PRKCA: variants seen among roughly 807,000 people sequenced by gnomAD.
PRKCA encodes the protein protein kinase C alpha type.
Under a neutral mutation model 87.0 loss-of-function variants are expected in PRKCA, and 27 were observed. That is an observed-to-expected ratio of 0.31 (90% CI 0.23 to 0.43). PRKCA has a LOEUF of 0.43. PRKCA is among the 20% of genes least tolerant of loss of function. PRKCA has a pLI of 1.00. For missense variants in PRKCA, 518 were observed against 852.3 expected (o/e 0.61, Z 4.88); for synonymous variants, 329 against 311.1 (o/e 1.06, Z -0.61).
chr17:66,555,958 T>C (rs1968482330), intron 3 of PRKCA, among the ~76,000 whole-genome samples: 1 of 152,202 alleles, frequency 6.6e-6, no homozygotes, highest in South Asian at 2.1e-4. Context: ...CCTTCTCATT[T>C]ATTTTGTCAA....
chr17:66,568,320 C>T (rs919425160), intron 3 of PRKCA, among the ~76,000 whole-genome samples: 1 of 152,102 alleles, frequency 6.6e-6, no homozygotes, highest in Admixed American at 6.6e-5. Context: ...TCTCAAAAAA[C>T]CCCCAAAAAA....
At chr17:66,719,963 T>C (rs1037041925) in intron 8 of PRKCA, among the ~76,000 whole-genome samples, 2 of 152,366 alleles carry the variant, frequency 1.3e-5, no homozygotes, top group Admixed American at 6.5e-5. Flanking sequence ...CCATATACTC[T>C]ACTCATTGCT....
chr17:66,769,048 A>G (rs1193828944), intron 13 of PRKCA, among the ~76,000 whole-genome samples: 1 of 152,206 alleles, frequency 6.6e-6, no homozygotes, highest in Admixed American at 6.5e-5. Flanking sequence ...AATCCAGTGT[A>G]TAAATCAGCT....
chr17:66,467,118 TAGAG>T (rs1915121629), intron 2 of PRKCA, among the ~76,000 whole-genome samples: 1 of 152,132 alleles, frequency 6.6e-6, no homozygotes, highest in Non-Finnish European at 1.5e-5. Context: ...CTGAGCATCT[TAGAG>T]AGGGATGACT....
intron 14 of PRKCA, among the ~76,000 whole-genome samples, chr17:66,778,976 T>C (rs1464399382): frequency 2.0e-5 from 3 of 152,042 alleles, no homozygotes; most frequent in Admixed American, 1.3e-4. Flanking sequence ...TTCATTCAAA[T>C]CCCCTTCTTC....
At chr17:66,753,595 G>T (rs1974483345) in intron 13 of PRKCA, among the ~76,000 whole-genome samples, 1 of 152,110 alleles carries the variant, frequency 6.6e-6, no homozygotes, top group African/African-American at 2.4e-5. Context: ...GGACTGAATT[G>T]CATCCCCACG....
chr17:66,663,765 C>T (rs1344638511), intron 5 of PRKCA, among the ~76,000 whole-genome samples: 5 of 152,128 alleles, frequency 3.3e-5, no homozygotes, highest in Admixed American at 2.6e-4. Context: ...ACACCTTCCC[C>T]GGCCCTCCCT....
At chr17:66,381,387 G>A (rs754212108) in intron 2 of PRKCA, among the ~76,000 whole-genome samples, 2 of 152,194 alleles carry the variant, frequency 1.3e-5, no homozygotes, top group Non-Finnish European at 2.9e-5. Context: ...CGGTTTGTTT[G>A]GATGGATGAC....
chr17:66,705,794 T>C (rs1973178229), intron 8 of PRKCA, among the ~76,000 whole-genome samples: 1 of 152,042 alleles, frequency 6.6e-6, no homozygotes, highest in Non-Finnish European at 1.5e-5. Flanking sequence ...CAGCTAAACA[T>C]TGGCACAAGT....
At chr17:66,404,671 A>T (rs1212870991) in intron 2 of PRKCA, among the ~76,000 whole-genome samples, 1 of 146,988 alleles carries the variant, frequency 6.8e-6, no homozygotes, top group Admixed American at 6.8e-5. Flanking sequence ...ATTCACCCTG[A>T]ATCTTCTGCC....
chr17:66,745,937 C>G (rs145972534), intron 13 of PRKCA, among the ~76,000 whole-genome samples: 1 of 152,118 alleles, frequency 6.6e-6, no homozygotes, highest in Non-Finnish European at 1.5e-5. Context: ...CAGCACTCTG[C>G]GTGCTTACTG....
intron 2 of PRKCA, among the ~76,000 whole-genome samples, chr17:66,410,732 C>A (rs527966324): frequency 2.6e-5 from 4 of 152,052 alleles, no homozygotes; most frequent in African/African-American, 9.7e-5. Flanking sequence ...TATACCACCA[C>A]GCCTGGCTAA....
rs189859981 is a variant in PRKCA at position 66,549,048 on chromosome 17, C to T, written c.288+52765C>T. Among the ~76,000 whole-genome samples, 45 of 152,072 alleles carry T rather than the reference C, an allele frequency of 3.0e-4. No individual in the cohort carries two copies. In the South Asian group the frequency reaches 3.1e-3, roughly 11 times the overall value. The stretch of plus-strand genomic sequence containing the variant: ...TTCAAACTCCTGGGCTCAAGTGACC[C>T]GCCTGTCTTGACCTCCCAGAGTGCT... On this transcript the variant is annotated intron_variant, in intron 3 of 16. Transcript: ENST00000413366.
chr17:66,655,462 G>A (rs1447726962), intron 5 of PRKCA, among the ~76,000 whole-genome samples: 4 of 152,098 alleles, frequency 2.6e-5, no homozygotes, highest in African/African-American at 4.8e-5. Context: ...CCCAGAGAAC[G>A]TCTTTTTAAC....
intron 2 of PRKCA, among the ~76,000 whole-genome samples, chr17:66,396,637 T>TTC (rs1276244101): frequency 6.6e-6 from 1 of 150,550 alleles, no homozygotes. Context: ...CTCTCTTTTT[T>TTC]TTTTTTTTCG....
intron 13 of PRKCA, among the ~76,000 whole-genome samples, chr17:66,744,060 C>A (rs2144241595): frequency 1.3e-5 from 2 of 152,182 alleles, no homozygotes; most frequent in East Asian, 1.9e-4. Flanking sequence ...GTCATTATTC[C>A]AAAAGGGAAG....
intron 2 of PRKCA, among the ~76,000 whole-genome samples, chr17:66,394,684 C>T (rs974240895): frequency 6.6e-6 from 1 of 152,068 alleles, no homozygotes; most frequent in Non-Finnish European, 1.5e-5. Flanking sequence ...CCCCATAATC[C>T]CTATGTATCA....
chr17:66,738,703 A>G (rs1469403956), intron 10 of PRKCA, 61 bp from the exon 11 acceptor site: 1 of 1,343,200 alleles, frequency 7.4e-7, no homozygotes, highest in African/African-American at 1.4e-5. Context: ...ACCTGTGAAG[A>G]GCAAAGGAAG....
intron 3 of PRKCA, among the ~76,000 whole-genome samples, chr17:66,611,789 G>T (rs1487655171): frequency 6.6e-6 from 1 of 152,210 alleles, no homozygotes; most frequent in Non-Finnish European, 1.5e-5. Flanking sequence ...CTCTAGCAAT[G>T]AGTTGAGGGT....
Sources: gnomAD v4.1 joint callset for allele counts (sites outside exome capture counted in the v4.1 genomes callset) on GRCh38, gnomAD v4.1.1 for gene constraint, MANE v1.5 for transcripts, NCBI Gene and HGNC (gene_info 2026-07-23, HGNC 2026-07-21) for gene names.